The following CDK5RAP2 variants were observed in gnomAD, a reference collection of about 807,000 sequenced individuals.
CDK5RAP2 encodes the protein CDK5 regulatory subunit associated protein 2, also known as CDK5 regulatory subunit-associated protein 2.
In CDK5RAP2, 147 loss-of-function variants were observed where a neutral mutation model predicts 232.9. The observed-to-expected ratio is 0.63, with a 90% CI of 0.55 to 0.72. CDK5RAP2 has a LOEUF of 0.72. CDK5RAP2 is among the 30% of genes least tolerant of loss of function. The probability of loss-of-function intolerance (pLI) is 0.00; values close to 1 mark genes in which losing one functional copy is unlikely to be tolerated. For synonymous variants in CDK5RAP2, 833 were observed against 833.7 expected, an observed-to-expected ratio of 1.00 and a Z score of 0.01; for missense variants, 2,195 against 2,231.5, an observed-to-expected ratio of 0.98 and a Z score of 0.33.
chr9:120,543,581 G>T (rs1387314954), intron 5 of CDK5RAP2, among the ~76,000 whole-genome samples: 1 of 152,146 alleles, frequency 6.6e-6, no homozygotes, highest in African/African-American at 2.4e-5. Context: ...CTACCTGGCT[G>T]GGTGCAGCGG....
At position 120,458,260 on chromosome 9, in the gene CDK5RAP2, G is replaced by A. The variant is rs117386701; in HGVS notation, c.2375+190C>T. On this transcript the variant is annotated intron_variant, in intron 20 of 37. Transcript: ENST00000349780. Reference sequence around the variant, plus strand: ...TAATGGGCTTACATGAGGCTTTGCTGACGTCCCCTCACAGCCACTAGCATG... The same window carrying A: ...TAATGGGCTTACATGAGGCTTTGCTAACGTCCCCTCACAGCCACTAGCATG... Among the ~76,000 whole-genome samples the A allele has an allele frequency of 1.6e-3, 241 of 152,262 alleles. 8 individuals carry two copies. The East Asian group carries it at 0.041, about 26-fold the overall frequency.
At chr9:120,433,738 C>T (rs1462245630) in intron 25 of CDK5RAP2, among the ~76,000 whole-genome samples, 5 of 152,168 alleles carry the variant, frequency 3.3e-5, no homozygotes, top group African/African-American at 1.2e-4. Context: ...ACAAGTAGCT[C>T]TAGTAGGAAA....
At chr9:120,562,820 C>A (rs952431209) in intron 3 of CDK5RAP2, among the ~76,000 whole-genome samples, 4 of 152,022 alleles carry the variant, frequency 2.6e-5, no homozygotes, top group Non-Finnish European at 4.4e-5. Flanking sequence ...ACTATCCTAG[C>A]ATGTTATTTA....
Position 120,453,509 on chromosome 9 carries a change from C to A in CDK5RAP2, c.2740G>T (p.Gly914Trp). 1 of 1,613,832 alleles carries A rather than the reference C, an allele frequency of 6.2e-7. No homozygotes were observed. The highest frequency in any genetic ancestry group is 8.5e-7 in the Non-Finnish European group (1 of 1,180,000). The change falls in exon 21 of 38, where the codon GGG becomes TGG. Residue 914 changes from glycine to tryptophan, a missense_variant. Coordinates refer to ENST00000349780, the MANE Select transcript of CDK5RAP2 (RefSeq NM_018249.6). ...AGGGCAGCCTGCCACCCAGGCACCC[C>A]GTGCAGGTTCTCTGGCCGATGCTCT... ...SAEHRPENLH[G>W]VPGWQAALLS...
rs142537024 is a variant in CDK5RAP2 at position 120,540,583 on chromosome 9, T to C, written c.384-1419A>G. ...AGGCCCCAGTGTCATATCATTTTAA[T>C]GGAATTCAATGTGAACAACTGGAAA... On this transcript the variant is annotated intron_variant, in intron 5 of 37. Transcript: ENST00000349780. Among the ~76,000 whole-genome samples the C allele has an allele frequency of 3.9e-5, 6 of 152,332 alleles. 1 individual carries two copies. The highest frequency in any genetic ancestry group is 1.4e-4 in the African/African-American group (6 of 41,584).
chr9:120,523,606 A>G (rs1392551596), intron 11 of CDK5RAP2, among the ~76,000 whole-genome samples: 1 of 152,264 alleles, frequency 6.6e-6, no homozygotes, highest in African/African-American at 2.4e-5. Flanking sequence ...TCTGCAAAAG[A>G]TAAGTCATGG....
chr9:120,399,012 C>G (rs1331426181), intron 35 of CDK5RAP2, among the ~76,000 whole-genome samples: 1 of 152,190 alleles, frequency 6.6e-6, no homozygotes, highest in Non-Finnish European at 1.5e-5. Context: ...TAACACTACA[C>G]AGGGGGTATG....
At chr9:120,469,795 G>A (rs1289053684) in intron 17 of CDK5RAP2, among the ~76,000 whole-genome samples, 3 of 152,140 alleles carry the variant, frequency 2.0e-5, no homozygotes, top group African/African-American at 4.8e-5. Context: ...GTAAAATAAG[G>A]ACATCGATTT....
intron 35 of CDK5RAP2, 94 bp from the exon 36 acceptor site, chr9:120,394,732 AC>A: frequency 9.7e-7 from 1 of 1,030,180 alleles, no homozygotes. Flanking sequence ...ATGATGCTCA[AC>A]CTCACTAGCA....
intron 27 of CDK5RAP2, 135 bp downstream of exon 27, chr9:120,419,653 A>G (rs559900038): frequency 1.3e-6 from 1 of 757,404 alleles, no homozygotes; most frequent in Non-Finnish European, 2.4e-6. Flanking sequence ...CTGAATGACC[A>G]GCATTGGCCC....
At chr9:120,471,992 A>G (rs1197221039) in intron 15 of CDK5RAP2, 114 bp from the exon 16 acceptor site, 2 of 1,357,380 alleles carry the variant, frequency 1.5e-6, no homozygotes, top group Non-Finnish European at 2.1e-6. Context: ...TTCTGGTTAT[A>G]AAAGTATATA....
chr9:120,543,004 CA>C (rs562778589), intron 5 of CDK5RAP2, among the ~76,000 whole-genome samples: 141 of 152,262 alleles, frequency 9.3e-4, no homozygotes, highest in African/African-American at 3.3e-3. Context: ...GCAGCAAAAG[CA>C]AGAACATTTT....
intron 27 of CDK5RAP2, among the ~76,000 whole-genome samples, chr9:120,418,187 T>C (rs1297188677): frequency 6.6e-6 from 1 of 152,164 alleles, no homozygotes; most frequent in Non-Finnish European, 1.5e-5. Context: ...CTGGGATGAC[T>C]CCAGGGAGCA....
At chr9:120,556,659 C>T (rs553182165) in intron 3 of CDK5RAP2, among the ~76,000 whole-genome samples, 2 of 152,170 alleles carry the variant, frequency 1.3e-5, no homozygotes, top group African/African-American at 4.8e-5. Context: ...GAACTCCTGA[C>T]CTCAGGCGAT....
intron 12 of CDK5RAP2, among the ~76,000 whole-genome samples, chr9:120,507,923 AAAAAAAAAAAAAAAAAAAAATATAT>A: frequency 1.5e-5 from 1 of 65,756 alleles, no homozygotes; most frequent in South Asian, 5.0e-4. Context: ...AAAAAAAAAA[AAAAAAAAAAAAAAAAAAAAATATAT>A]ATATATATAT....
intron 14 of CDK5RAP2, among the ~76,000 whole-genome samples, chr9:120,479,152 A>G (rs2038175431): frequency 6.6e-6 from 1 of 152,206 alleles, no homozygotes; most frequent in African/African-American, 2.4e-5. Context: ...ATAATAACTG[A>G]TAGTAACAGA....
chr9:120,507,966 T>C (rs2039911419), intron 12 of CDK5RAP2, among the ~76,000 whole-genome samples: 1 of 108,290 alleles, frequency 9.2e-6, no homozygotes, highest in African/African-American at 3.4e-5. Context: ...TATATATATA[T>C]ATAGTGGATT....
chr9:120,522,061 G>C (rs534539046), intron 11 of CDK5RAP2, among the ~76,000 whole-genome samples: 13 of 152,244 alleles, frequency 8.5e-5, no homozygotes, highest in Admixed American at 2.0e-4. Context: ...CCCACTCCAT[G>C]TTCTTCCCAG....
chr9:120,482,147 G>A (rs906693731), intron 14 of CDK5RAP2, among the ~76,000 whole-genome samples: 1 of 152,160 alleles, frequency 6.6e-6, no homozygotes, highest in Non-Finnish European at 1.5e-5. Flanking sequence ...TAACTTCAAA[G>A]CCAACCAAGA....
Sources: gnomAD v4.1 joint callset for allele counts (sites outside exome capture counted in the v4.1 genomes callset) on GRCh38, gnomAD v4.1.1 for gene constraint, MANE v1.5 for transcripts, NCBI Gene and HGNC (gene_info 2026-07-23, HGNC 2026-07-21) for gene names.